ZNF215: variants seen among roughly 807,000 people sequenced by gnomAD.
ZNF215 encodes zinc finger protein 215.
In ZNF215, 24 loss-of-function variants were observed where a neutral mutation model predicts 27.2. The ratio of observed to expected loss-of-function variants is 0.88; its 90% CI spans 0.64 to 1.24. The LOEUF is 1.24. ZNF215 is among the 50% of genes most tolerant of loss of function. The pLI, the probability that ZNF215 is intolerant of heterozygous loss-of-function variation, is 0.00. For synonymous variants in ZNF215, 210 were observed against 204.0 expected (o/e 1.03, Z -0.25); for missense variants, 675 against 605.7 (o/e 1.11, Z -1.20).
At chr11:6,954,519 G>C (rs1397345193) in intron 6 of ZNF215, among the ~76,000 whole-genome samples, 1 of 152,242 alleles carries the variant, frequency 6.6e-6, no homozygotes, top group Non-Finnish European at 1.5e-5. Context: ...GGGAGACTCC[G>C]TGGGTGTAGG....
rs1196921942 is a variant in ZNF215, at chr11:6,956,856, C to T, written c.*325C>T. ...AAATAGGTCTATAGCATACTAATAT[C>T]CACCTGATTTATTGACGAAGTAGAC... On this transcript the variant is annotated 3_prime_UTR_variant, in exon 7 of 7. Transcript: ENST00000278319. 4 of 1,028,176 alleles carry T rather than the reference C, an allele frequency of 3.9e-6. No individual in the cohort carries two copies. The African/African-American group carries it at 6.8e-5, about 18-fold the overall frequency. The allele number at this position is 1,028,176 out of a possible 1,614,324, so 63.7% of individuals were successfully genotyped here.
At chr11:6,961,985 G>A (rs1307880315), downstream of ZNF215, among the ~76,000 whole-genome samples, 5 of 152,084 alleles carry the variant, frequency 3.3e-5, no homozygotes, top group South Asian at 2.1e-4. Flanking sequence ...TTGTAGAGCC[G>A]CTTTGGTCCC....
At chr11:6,961,903 G>A (rs1850523722), downstream of ZNF215, among the ~76,000 whole-genome samples, 1 of 152,236 alleles carries the variant, frequency 6.6e-6, no homozygotes, top group Non-Finnish European at 1.5e-5. Context: ...AAATGCCAAT[G>A]TTTCCCCAAC....
In ZNF215 at chr11:6,943,600, G is replaced by C. The variant is rs376518313; in HGVS notation, c.671G>C (p.Arg224Thr). The change falls in exon 6 of 7, where the codon AGA (arginine) becomes ACA (threonine). Residue 224 changes from arginine (R) to threonine (T), a missense_variant. Coordinates refer to ENST00000278319, the MANE Select transcript of ZNF215 (RefSeq NM_013250.4). ...CTTAAGTTGGAGAGTAAGAAAAAAA[G>C]ATGGATAATGGAGAAAGAAATACCA... is the stretch of plus-strand genomic sequence containing the variant. ...ESLKLESKKK[R>T]WIMEKEIPRK... 16 of 1,614,088 alleles carry C rather than the reference G, an allele frequency of 9.9e-6. No individual in the cohort carries two copies. In the African/African-American group the frequency reaches 1.9e-4, roughly 19 times the overall value.
chr11:6,977,726 G>A (rs1184556102), intron 5 of ZNF215, among the ~76,000 whole-genome samples: 1 of 151,912 alleles, frequency 6.6e-6, no homozygotes, highest in East Asian at 1.9e-4. Flanking sequence ...CAATTGTGAG[G>A]AAATAAATTT....
chr11:6,953,998 C>T (rs1313779464), intron 6 of ZNF215, among the ~76,000 whole-genome samples: 1 of 152,188 alleles, frequency 6.6e-6, no homozygotes, highest in East Asian at 1.9e-4. Flanking sequence ...GCTAGAGGTC[C>T]ACTCCAGACC....
intron 3 of ZNF215, among the ~76,000 whole-genome samples, chr11:6,940,124 T>G (rs760101069): frequency 6.6e-6 from 1 of 151,878 alleles, no homozygotes; most frequent in Non-Finnish European, 1.5e-5. Flanking sequence ...TCCTTGCTAT[T>G]CAAGAGGCTG....
intron 3 of ZNF215, among the ~76,000 whole-genome samples, chr11:6,934,017 T>TATA (rs1404949903): frequency 1.3e-5 from 2 of 152,142 alleles, no homozygotes; most frequent in Admixed American, 1.3e-4. Flanking sequence ...GTGTGGACCT[T>TATA]ATAAGACATG....
At chr11:6,963,081 T>C (rs1850550318) in intron 5 of ZNF215, among the ~76,000 whole-genome samples, 2 of 152,074 alleles carry the variant, frequency 1.3e-5, no homozygotes. Context: ...AGTCTACTCA[T>C]CCATCTTTCC....
At chr11:6,950,016 C>G (rs1384355928) in intron 6 of ZNF215, among the ~76,000 whole-genome samples, 3 of 151,744 alleles carry the variant, frequency 2.0e-5, no homozygotes, top group Non-Finnish European at 2.9e-5. Flanking sequence ...TTGTTTTTGT[C>G]AGGTTTGTCA....
Position 6,931,493 on chromosome 11 carries a change from C to G in ZNF215, c.-179-601C>G, listed in dbSNP as rs185066124. ...TGGTAGTCTTGCAAGTCTAAATGTT[C>G]AGTTGCGCCTAAGACATCCCTGGTG... is the stretch of plus-strand genomic sequence containing the variant. On this transcript the variant is annotated intron_variant, in intron 2 of 6. Transcript: ENST00000278319. Among the ~76,000 whole-genome samples the G allele has an allele frequency of 1.1e-3, 175 of 152,300 alleles. 2 individuals carry two copies. Among genetic ancestry groups the G allele is most frequent in the Non-Finnish European group, 1.9e-3 (130 of 68,016 alleles).
rs755079299 is a variant in ZNF215 at position 6,956,452 on chromosome 11, G to A, written c.1475G>A (p.Cys492Tyr). Residue 492 changes from cysteine (C) to tyrosine (Y), a missense_variant, in exon 7 of 7, where the codon TGT becomes TAT. Coordinates refer to ENST00000278319, the MANE Select transcript of ZNF215 (RefSeq NM_013250.4). ...MIHTGEKPFK[C>Y]KECSKAFNRS... Reference sequence around the variant, plus strand: ...CACACGGGAGAGAAACCATTCAAATGTAAGGAATGTAGTAAAGCCTTCAAC... The same window carrying A: ...CACACGGGAGAGAAACCATTCAAATATAAGGAATGTAGTAAAGCCTTCAAC... 1.9e-6 allele frequency: 3 copies of A among 1,614,108 alleles called. No individual in the cohort carries two copies. Among genetic ancestry groups the A allele is most frequent in the Non-Finnish European group, 2.5e-6 (3 of 1,180,010 alleles).
At chr11:6,965,466 G>C (rs1850600066) in intron 5 of ZNF215, among the ~76,000 whole-genome samples, 1 of 14,420 alleles carries the variant, frequency 6.9e-5, no homozygotes, top group Admixed American at 1.2e-3. Flanking sequence ...CTAAATAAAA[G>C]ATGTTTCTAG....
intron 5 of ZNF215, among the ~76,000 whole-genome samples, chr11:6,972,250 G>A (rs541385002): frequency 6.6e-6 from 1 of 151,912 alleles, no homozygotes; most frequent in Non-Finnish European, 1.5e-5. Context: ...GTCACTCTTT[G>A]TCAAAACTAC....
At chr11:6,936,409 CA>C (rs925206943) in intron 3 of ZNF215, among the ~76,000 whole-genome samples, 23 of 151,882 alleles carry the variant, frequency 1.5e-4, no homozygotes, top group Non-Finnish European at 1.2e-4. Flanking sequence ...TCACAAATTC[CA>C]AAAACACAAA....
rs769655515 is a variant in ZNF215 at position 6,956,085 on chromosome 11, CA to C, written c.1114del (p.Ser372ValfsTer5). The stretch of plus-strand genomic sequence containing the variant: ...GAGTTTGAGTACAGATATTCGACAC[CA>C]AAAAAGTCATACTACAATGAATTCC... ...DLSLSTDIRH[Q>X]KSHTTMNSYE... On this transcript the variant is annotated frameshift_variant, in exon 7 of 7. Coordinates refer to ENST00000278319, the MANE Select transcript of ZNF215 (RefSeq NM_013250.4). LOFTEE classifies it low-confidence loss of function (END_TRUNC). 6.2e-6 allele frequency: 10 copies of C among 1,611,656 alleles called. No homozygotes were observed. Among genetic ancestry groups the C allele is most frequent in the Non-Finnish European group, 8.5e-6 (10 of 1,179,392 alleles).
At chr11:6,943,495 A>G (rs759266887) in intron 5 of ZNF215, 51 bp from the exon 6 acceptor site, 1 of 1,488,692 alleles carries the variant, frequency 6.7e-7, no homozygotes. Flanking sequence ...AAATGTCTGA[A>G]GTGTCATATA....
downstream of ZNF215, among the ~76,000 whole-genome samples, chr11:6,962,126 A>G (rs1360437573): frequency 6.6e-6 from 1 of 152,188 alleles, no homozygotes; most frequent in Non-Finnish European, 1.5e-5. Flanking sequence ...AAATAGGAAA[A>G]TACCCAAAAG....
At chr11:6,987,357 CTGG>C (rs555130747), downstream of ZNF215, among the ~76,000 whole-genome samples, 67 of 152,198 alleles carry the variant, frequency 4.4e-4, no homozygotes, top group South Asian at 4.1e-3. Flanking sequence ...AAAATAGACA[CTGG>C]GGAATACAAG....
Sources: gnomAD v4.1 joint callset for allele counts (sites outside exome capture counted in the v4.1 genomes callset) on GRCh38, gnomAD v4.1.1 for gene constraint, MANE v1.5 for transcripts, NCBI Gene and HGNC (gene_info 2026-07-23, HGNC 2026-07-21) for gene names.